POTEF: variants seen among roughly 807,000 people sequenced by gnomAD.
POTEF encodes the protein ANKRD26-like family C member 1B.
POTEF carries 20 observed loss-of-function variants against 83.2 expected under a neutral mutation model. The observed-to-expected ratio is 0.24, with a 90% confidence interval of 0.17 to 0.35. The LOEUF (loss-of-function observed/expected upper bound fraction) is 0.35. Ranked by LOEUF, POTEF falls within the 10% of genes least tolerant of loss-of-function variation. The probability of loss-of-function intolerance (pLI) is 1.00; values close to 1 mark genes in which losing one functional copy is unlikely to be tolerated. For synonymous variants in POTEF, 196 were observed against 446.4 expected, an observed-to-expected ratio of 0.44 and a Z score of 7.07; for missense variants, 550 against 1,203.2, an observed-to-expected ratio of 0.46 and a Z score of 8.03.
At chr2:130,111,579 G>A (rs1272733840) in intron 6 of POTEF, among the ~76,000 whole-genome samples, 8 of 151,552 alleles carry the variant, frequency 5.3e-5, no homozygotes, top group Admixed American at 2.0e-4. Context: ...AAGACAAAAG[G>A]ATTTTCAACC....
intron 8 of POTEF, among the ~76,000 whole-genome samples, chr2:130,103,325 T>C (rs1436032650): frequency 6.6e-6 from 1 of 150,542 alleles, no homozygotes; most frequent in African/African-American, 2.5e-5. Context: ...GGTCCTGATC[T>C]TTTGACCTTG....
chr2:130,121,758 T>G (rs1205289827), intron 2 of POTEF, among the ~76,000 whole-genome samples: 2 of 100,586 alleles, frequency 2.0e-5, no homozygotes, highest in Non-Finnish European at 4.0e-5. Context: ...GAACTTTTTG[T>G]TTATGCATAC....
In POTEF at chr2:130,120,567, C is replaced by T; in HGVS notation, c.-52G>A. Reference sequence around the variant, plus strand: ...GTAGTAGCCAACAGATCGCGTCTACCAACCAGTTTCACCAACTAGCAGGTA... The same window carrying T: ...GTAGTAGCCAACAGATCGCGTCTACTAACCAGTTTCACCAACTAGCAGGTA... On this transcript the variant is annotated 5_prime_UTR_variant, in exon 3 of 17. Transcript: ENST00000409914. 1 of 1,607,144 alleles carries T rather than the reference C, an allele frequency of 6.2e-7. No homozygotes were observed. The highest frequency in any genetic ancestry group is 8.5e-7 in the Non-Finnish European group (1 of 1,176,530).
chr2:130,105,213 T>C (rs1684488309), intron 8 of POTEF, among the ~76,000 whole-genome samples: 1 of 150,302 alleles, frequency 6.7e-6, no homozygotes, highest in Admixed American at 6.6e-5. Flanking sequence ...ACAAAATGGC[T>C]TTTATTTAAA....
chr2:130,107,894 A>T, intron 8 of POTEF, 115 bp downstream of exon 8: 1 of 993,014 alleles, frequency 1.0e-6, no homozygotes, highest in Non-Finnish European at 1.5e-6. Flanking sequence ...AATAATCCTG[A>T]AACCATCCCC....
intron 8 of POTEF, among the ~76,000 whole-genome samples, chr2:130,104,879 A>G (rs958248672): frequency 2.0e-5 from 3 of 151,386 alleles, no homozygotes; most frequent in Non-Finnish European, 4.4e-5. Context: ...GAGTCAAACT[A>G]GTAGGATGCG....
intron 3 of POTEF, among the ~76,000 whole-genome samples, chr2:130,117,651 G>A (rs1009400581): frequency 6.6e-6 from 1 of 151,670 alleles, no homozygotes; most frequent in Admixed American, 6.6e-5. Context: ...TTACATATTA[G>A]TCCATCCTAT....
At chr2:130,111,391 C>T (rs536455191) in intron 6 of POTEF, among the ~76,000 whole-genome samples, 2,998 of 151,932 alleles carry the variant, frequency 0.02, 4 homozygotes, top group Non-Finnish European at 0.029. Context: ...CCACTTAAAA[C>T]TATCTTCACT....
At chr2:130,107,697 C>T (rs1292910882) in intron 8 of POTEF, 4 of 366,188 alleles carry the variant, frequency 1.1e-5, no homozygotes, top group African/African-American at 6.5e-5. Flanking sequence ...TTGTGTGCTT[C>T]GTATGAGAAT....
intron 2 of POTEF, among the ~76,000 whole-genome samples, chr2:130,124,587 T>TAGA (rs922023659): frequency 1.4e-5 from 2 of 140,776 alleles, no homozygotes; most frequent in African/African-American, 5.5e-5. Context: ...CAATTTTCTT[T>TAGA]AGATCTCTCT....
intron 8 of POTEF, among the ~76,000 whole-genome samples, chr2:130,105,937 A>T (rs1245567022): frequency 1.3e-5 from 2 of 150,348 alleles, no homozygotes; most frequent in Non-Finnish European, 2.9e-5. Context: ...TCAGGTATTT[A>T]CCTTCCCAGT....
chr2:130,128,597 C>T (rs1378113148), intron 1 of POTEF, among the ~76,000 whole-genome samples: 2 of 150,504 alleles, frequency 1.3e-5, no homozygotes, highest in Non-Finnish European at 3.0e-5. Flanking sequence ...CGATAGTGCC[C>T]ACAACCTGAC....
chr2:130,121,008 CGCG>C, intron 2 of POTEF: 1 of 224,034 alleles, frequency 4.5e-6, no homozygotes, highest in African/African-American at 3.0e-5. Context: ...AGCCGTTACG[CGCG>C]TGCGGCGTGC....
rs753039065 is a variant in POTEF at position 130,075,193 on chromosome 2, C to A, written c.2279G>T (p.Ser760Ile). ...CTTCAGGGTCAGGATGCCTCTTTTG[C>A]TCTGGGCCTCCTTGCCCACATAGGA... ...KESYVGKEAQ[S>I]KRGILTLKYP... Residue 760 changes from serine (S) to isoleucine (I), a missense_variant, in exon 17 of 17, where the codon AGC becomes ATC. By Grantham distance (142) the Ser-to-Ile change is moderately radical. Transcript: ENST00000409914. 2 of 1,612,918 alleles carry A rather than the reference C, an allele frequency of 1.2e-6. No homozygotes were observed. The highest frequency in any genetic ancestry group is 1.1e-5 in the South Asian group (1 of 91,030).
chr2:130,118,126 G>C (rs1684890088), intron 3 of POTEF, among the ~76,000 whole-genome samples: 2 of 151,590 alleles, frequency 1.3e-5, no homozygotes, highest in African/African-American at 2.4e-5. Context: ...ATTTTTAGTA[G>C]AGATGGGATT....
intron 6 of POTEF, among the ~76,000 whole-genome samples, 163 bp downstream of exon 6, chr2:130,111,828 GTTCT>G (rs1287966166): frequency 5.5e-5 from 8 of 144,792 alleles, no homozygotes; most frequent in Admixed American, 1.4e-4. Flanking sequence ...TACTAAAACT[GTTCT>G]TTATGTTGCC....
chr2:130,122,295 T>C (rs1486491599), intron 2 of POTEF, among the ~76,000 whole-genome samples: 2 of 150,082 alleles, frequency 1.3e-5, no homozygotes, highest in Admixed American at 6.6e-5. Context: ...TTTGTTTTAA[T>C]TTATTTTTGG....
chr2:130,104,230 G>T (rs2104804910), intron 8 of POTEF, among the ~76,000 whole-genome samples: 1 of 145,974 alleles, frequency 6.9e-6, no homozygotes, highest in Non-Finnish European at 1.5e-5. Context: ...CTTGGTTTGG[G>T]AAGGTGCTTT....
At position 130,120,451 on chromosome 2, in the gene POTEF, C is replaced by T; in HGVS notation, c.65G>A (p.Ser22Asn). The T allele has an allele frequency of 6.2e-7, 1 of 1,613,568 alleles. No homozygotes were observed. Among genetic ancestry groups the T allele is most frequent in the Non-Finnish European group, 8.5e-7 (1 of 1,179,866 alleles). ...ACGGCAGCACCACTTGCCCATCTTG[C>T]TCCTGAGACCAAATGGCTTCTTCAC... ...SSVKKPFGLR[S>N]KMGKWCCRCF... The change falls in exon 3 of 17, where the codon AGC becomes AAC. Residue 22 changes from serine to asparagine, a missense_variant. Transcript: ENST00000409914.
Sources: gnomAD v4.1 joint callset for allele counts (sites outside exome capture counted in the v4.1 genomes callset) on GRCh38, gnomAD v4.1.1 for gene constraint, MANE v1.5 for transcripts, NCBI Gene and HGNC (gene_info 2026-07-23, HGNC 2026-07-21) for gene names.